The following RALGDS variants were observed in gnomAD, a reference collection of about 807,000 sequenced individuals.
RALGDS encodes the protein ral guanine nucleotide dissociation stimulator.
RALGDS carries 44 observed loss-of-function variants against 99.8 expected under a neutral mutation model. The observed-to-expected ratio is 0.44, with a 90% confidence interval of 0.35 to 0.57. RALGDS has a LOEUF of 0.57. Ranked by LOEUF, RALGDS falls within the 20% of genes least tolerant of loss-of-function variation. The probability of loss-of-function intolerance (pLI) is 0.01; values close to 1 mark genes in which losing one functional copy is unlikely to be tolerated. For missense variants in RALGDS, 1,022 were observed against 1,203.1 expected, an observed-to-expected ratio of 0.85 and a Z score of 2.23; for synonymous variants, 529 against 505.0, an observed-to-expected ratio of 1.05 and a Z score of -0.64.
chr9:133,124,071 C>G (rs549887794), upstream of RALGDS, among the ~76,000 whole-genome samples: 2 of 131,164 alleles, frequency 1.5e-5, no homozygotes, highest in African/African-American at 5.9e-5. Context: ...CAGACACACA[C>G]ACACACAGAC....
chr9:133,099,973 C>T, intron 17 of RALGDS: 1 of 475,880 alleles, frequency 2.1e-6, no homozygotes, highest in Admixed American at 3.4e-5. Context: ...AGAAAGAGTC[C>T]CTTCCAGTGG....
chr9:133,129,981 AT>A (rs1420176828), intron 1 of RALGDS, among the ~76,000 whole-genome samples: 5 of 145,908 alleles, frequency 3.4e-5, no homozygotes, highest in Middle Eastern at 3.4e-3. Context: ...TGCTCGGCTA[AT>A]TTTTTTTTGA....
At chr9:133,099,092 A>T (rs1003474363) in intron 17 of RALGDS, 1 of 344,678 alleles carries the variant, frequency 2.9e-6, no homozygotes, top group African/African-American at 2.1e-5. Context: ...AATCCAGGTC[A>T]CCTCCCAGAA....
chr9:133,119,707 G>A (rs899026724), intron 1 of RALGDS, among the ~76,000 whole-genome samples: 8 of 145,656 alleles, frequency 5.5e-5, no homozygotes, highest in Non-Finnish European at 9.1e-5. Flanking sequence ...CTCTCCAGCC[G>A]CCAATGAGGA....
intron 12 of RALGDS, 53 bp from the exon 13 acceptor site, chr9:133,102,953 G>C: frequency 6.2e-7 from 1 of 1,606,846 alleles, no homozygotes; most frequent in South Asian, 1.1e-5. Context: ...GGCAGCACAG[G>C]GGCCAGTCTC....
chr9:133,107,408 C>A, intron 6 of RALGDS, 108 bp from the exon 7 acceptor site: 1 of 1,025,592 alleles, frequency 9.8e-7, no homozygotes, highest in Non-Finnish European at 1.5e-6. Context: ...GGTTTTATCC[C>A]GTGTCCATGC....
chr9:133,139,202 A>G (rs1319864739), intron 1 of RALGDS, among the ~76,000 whole-genome samples: 2 of 152,198 alleles, frequency 1.3e-5, no homozygotes, highest in Non-Finnish European at 2.9e-5. Flanking sequence ...CGCATCCCAC[A>G]GCACACAGCC....
chr9:133,114,723 G>T (rs985107924), intron 1 of RALGDS, among the ~76,000 whole-genome samples: 1 of 152,218 alleles, frequency 6.6e-6, no homozygotes, highest in Admixed American at 6.5e-5. Flanking sequence ...TGAGCTGACT[G>T]CTAGGAGGAG....
Position 133,101,061 on chromosome 9 carries a change from A to C in RALGDS, c.2454+459T>G, listed in dbSNP as rs1830731751. 10 of 1,081,204 alleles carry C rather than the reference A, an allele frequency of 9.2e-6. No homozygotes were observed. The South Asian group carries it at 2.2e-4, about 24-fold the overall frequency. 67.0% of individuals were successfully genotyped at this position (1,081,204 alleles called of 1,614,324 possible). ...GAGCAATTCCCATCTGCTGTCTCCA[A>C]ATCCTGTCTAGACTCTGACCCTGCT... is the stretch of plus-strand genomic sequence containing the variant. On this transcript the variant is annotated intron_variant, in intron 16 of 17. Coordinates refer to ENST00000372050, the MANE Select transcript of RALGDS (RefSeq NM_006266.4).
intron 10 of RALGDS, among the ~76,000 whole-genome samples, 138 bp downstream of exon 10, chr9:133,104,105 GTCTTCCCAGATACCAGCTGA>G (rs1473632268): frequency 1.3e-5 from 2 of 152,216 alleles, no homozygotes; most frequent in Non-Finnish European, 2.9e-5. Context: ...GCTGCAGCTG[GTCTTCCCAGATACCAGCTGA>G]TCCAGGTGTG....
chr9:133,126,579 T>C (rs671050), intron 1 of RALGDS, among the ~76,000 whole-genome samples: 102,987 of 152,152 alleles, frequency 0.68, 35,141 homozygotes, highest in East Asian at 0.89. Flanking sequence ...GTGTGGGGAC[T>C]GCTCTGACAA....
At chr9:133,114,552 T>C (rs1280847890) in intron 1 of RALGDS, among the ~76,000 whole-genome samples, 2 of 152,130 alleles carry the variant, frequency 1.3e-5, no homozygotes, top group African/African-American at 4.8e-5. Context: ...CAGGCCACCC[T>C]AGGTCACTCT....
chr9:133,101,861 C>G (rs778722395), intron 15 of RALGDS, 77 bp downstream of exon 15: 2 of 1,551,460 alleles, frequency 1.3e-6, no homozygotes, highest in Middle Eastern at 1.7e-4. Flanking sequence ...GTTCAGGATC[C>G]AGGGCTTCCT....
chr9:133,130,453 C>T lies in RALGDS; in HGVS notation c.132+499G>A, dbSNP rs112950398. The stretch of plus-strand genomic sequence containing the variant: ...TAACTGGGCGCAGGGGTGGGGGATG[C>T]CAATGGTTTGTTTCATTAAGTAGGG... On this transcript the variant is annotated intron_variant, in intron 1 of 17. Coordinates refer to the RALGDS transcript ENST00000372062. 3.7e-4 allele frequency among the ~76,000 whole-genome samples: 57 copies of T among 152,130 alleles called. 1 individual carries two copies. The highest frequency in any genetic ancestry group is 1.3e-3 in the African/African-American group (54 of 41,462).
In RALGDS at chr9:133,101,756, C is replaced by G. The variant is rs1040770476; in HGVS notation, c.2218G>C (p.Glu740Gln). 1.9e-6 allele frequency: 3 copies of G among 1,607,754 alleles called. No homozygotes were observed. Among genetic ancestry groups the G allele is most frequent in the Non-Finnish European group, 2.5e-6 (3 of 1,177,058 alleles). ...TCCGGGGATGACTGTGAGGCTGATT[C>G]CCAGAACTGAGGGAGACGGTAAGAT... ...SPDGQEKKFW[E>Q]SASQSSPETS... The change falls in exon 16 of 18, where the codon GAA becomes CAA. Residue 740 changes from glutamate to glutamine, a missense_variant. By Grantham distance (29) the Glu-to-Gln change is conservative. Coordinates refer to ENST00000372050, the MANE Select transcript of RALGDS (RefSeq NM_006266.4).
In RALGDS at chr9:133,098,445, C is replaced by T; in HGVS notation, c.*142G>A. ...GCCTGACCAATGGCAGGCGTCAATC[C>T]CAGCAGCGGGAGAGGTTCAGGATGA... On this transcript the variant is annotated 3_prime_UTR_variant, in exon 18 of 18. Coordinates refer to ENST00000372050, the MANE Select transcript of RALGDS (RefSeq NM_006266.4). The T allele has an allele frequency of 1.1e-6, 1 of 890,638 alleles. No homozygotes were observed. The highest frequency in any genetic ancestry group is 1.8e-6 in the Non-Finnish European group (1 of 570,430). The allele number at this position is 890,638 out of a possible 1,614,324, so 55.2% of individuals were successfully genotyped here.
rs1564234830 is a variant in RALGDS at position 133,108,150 on chromosome 9, G to A, written c.1035C>T (p.Pro345=). Residue 345 remains proline (P), a synonymous_variant, in exon 6 of 18, where the codon CCC becomes CCT. Transcript: ENST00000372050. ...CTGGCTCCAGCTCTAGAGTTTGTGA[G>A]GGAGCTGGATCCTGTTCTGGAGCTG... ...LEPAPEQDPA[P]SQTLELEPAP... The A allele has an allele frequency of 6.2e-7, 1 of 1,610,026 alleles. No homozygotes were observed. The highest frequency in any genetic ancestry group is 1.7e-5 in the Admixed American group (1 of 59,794).
At chr9:133,125,141 TA>T (rs1022047150), upstream of RALGDS, among the ~76,000 whole-genome samples, 1 of 152,070 alleles carries the variant, frequency 6.6e-6, no homozygotes, top group African/African-American at 2.4e-5. Flanking sequence ...GACAACTGTT[TA>T]AAAAAAACAA....
intron 1 of RALGDS, among the ~76,000 whole-genome samples, chr9:133,138,566 G>A (rs551247330): frequency 2.0e-5 from 3 of 152,224 alleles, no homozygotes; most frequent in Non-Finnish European, 4.4e-5. Context: ...AGCTGGGTCC[G>A]GCTGTCAACC....
Sources: gnomAD v4.1 joint callset for allele counts (sites outside exome capture counted in the v4.1 genomes callset) on GRCh38, gnomAD v4.1.1 for gene constraint, MANE v1.5 for transcripts, NCBI Gene and HGNC (gene_info 2026-07-23, HGNC 2026-07-21) for gene names.